NAALADL2: variants seen among roughly 807,000 people sequenced by gnomAD.
NAALADL2 encodes the protein inactive N-acetylated-alpha-linked acidic dipeptidase-like protein 2.
NAALADL2 carries 76 observed loss-of-function variants against 87.2 expected under a neutral mutation model. The ratio of observed to expected loss-of-function variants is 0.87; its 90% CI spans 0.72 to 1.05. The LOEUF is 1.05. Among genes scored for constraint, NAALADL2 ranks in the 50% least tolerant of loss-of-function variants. The pLI, the probability that NAALADL2 is intolerant of heterozygous loss-of-function variation, is 0.00. For missense variants in NAALADL2, 1,089 were observed against 945.8 expected, an observed-to-expected ratio of 1.15 and a Z score of -1.99; for synonymous variants, 354 against 331.0, an observed-to-expected ratio of 1.07 and a Z score of -0.75.
intron 3 of NAALADL2, among the ~76,000 whole-genome samples, chr3:174,804,681 A>G (rs1719249154): frequency 1.3e-5 from 2 of 152,112 alleles, no homozygotes; most frequent in South Asian, 2.1e-4. Flanking sequence ...ACCCTAACTT[A>G]GACTAAAGAA....
At chr3:174,853,201 C>CAAAAAAAAAAAA (rs34303846) in intron 3 of NAALADL2, among the ~76,000 whole-genome samples, 9 of 45,624 alleles carry the variant, frequency 2.0e-4, no homozygotes, top group Admixed American at 7.0e-4. Context: ...CCGTCTCTAC[C>CAAAAAAAAAAAA]AAAAAAAAAA....
intron 3 of NAALADL2, among the ~76,000 whole-genome samples, chr3:174,787,464 A>G (rs1716803077): frequency 6.7e-6 from 1 of 150,104 alleles, no homozygotes; most frequent in Admixed American, 6.7e-5. Flanking sequence ...ATAGTATCTC[A>G]GTTAACAGGA....
intron 2 of NAALADL2, among the ~76,000 whole-genome samples, chr3:174,717,677 A>G (rs1731318200): frequency 6.6e-6 from 1 of 152,198 alleles, no homozygotes; most frequent in African/African-American, 2.4e-5. Flanking sequence ...CTTCAAAATG[A>G]TTTCAAATGC....
At chr3:175,263,344 G>A (rs571141925) in intron 4 of NAALADL2, among the ~76,000 whole-genome samples, 7 of 151,882 alleles carry the variant, frequency 4.6e-5, no homozygotes, top group Non-Finnish European at 8.8e-5. Flanking sequence ...AGTAAATTTA[G>A]AGCAAGAATA....
At chr3:175,171,799 CA>C (rs1239103852) in intron 2 of NAALADL2, among the ~76,000 whole-genome samples, 2 of 151,954 alleles carry the variant, frequency 1.3e-5, no homozygotes, top group Non-Finnish European at 2.9e-5. Flanking sequence ...TGAAACAAGC[CA>C]GACTTAGAAA....
intron 11 of NAALADL2, among the ~76,000 whole-genome samples, chr3:175,665,802 A>T (rs561180024): frequency 6.6e-6 from 1 of 152,008 alleles, no homozygotes; most frequent in Non-Finnish European, 1.5e-5. Flanking sequence ...GTGGTGGTGC[A>T]TGCCTGTAGT....
At chr3:174,787,586 T>TATATATATATATACATATAC (rs1560225483) in intron 3 of NAALADL2, among the ~76,000 whole-genome samples, 1 of 57,336 alleles carries the variant, frequency 1.7e-5, no homozygotes, top group African/African-American at 6.0e-5. Flanking sequence ...CATATATATA[T>TATATATATATATACATATAC]ATATATATAT....
intron 2 of NAALADL2, among the ~76,000 whole-genome samples, chr3:175,119,805 A>AAC (rs1725865488): frequency 1.0e-5 from 1 of 96,216 alleles, no homozygotes; most frequent in Admixed American, 1.1e-4. Context: ...ATACTTATGT[A>AAC]TCTATATATA....
At chr3:175,265,412 TAG>T (rs1751759688) in intron 4 of NAALADL2, among the ~76,000 whole-genome samples, 1 of 151,672 alleles carries the variant, frequency 6.6e-6, no homozygotes, top group Non-Finnish European at 1.5e-5. Context: ...TCTATACCAA[TAG>T]AGTTTTAAAA....
At chr3:174,988,812 T>A (rs1560447579) in intron 1 of NAALADL2, among the ~76,000 whole-genome samples, 1 of 152,232 alleles carries the variant, frequency 6.6e-6, no homozygotes, top group Admixed American at 6.5e-5. Flanking sequence ...TCTTAACTAA[T>A]TAGATCTGTA....
chr3:174,689,769 G>C (rs2108849763), intron 2 of NAALADL2, among the ~76,000 whole-genome samples: 1 of 152,114 alleles, frequency 6.6e-6, no homozygotes, highest in African/African-American at 2.4e-5. Context: ...GTGTTGAATT[G>C]AGTTTTAATT....
intron 13 of NAALADL2, among the ~76,000 whole-genome samples, chr3:175,786,423 C>T (rs1446768356): frequency 6.6e-6 from 1 of 152,118 alleles, no homozygotes; most frequent in Non-Finnish European, 1.5e-5. Context: ...TTTCTCTAAA[C>T]TTCCCTTCTC....
intron 5 of NAALADL2, among the ~76,000 whole-genome samples, chr3:175,351,733 C>A (rs1320824584): frequency 6.6e-6 from 1 of 151,598 alleles, no homozygotes; most frequent in Non-Finnish European, 1.5e-5. Flanking sequence ...TACAACTTAT[C>A]TAAACAATCA....
At position 174,906,273 on chromosome 3, in the gene NAALADL2, G is replaced by A. The variant is rs550641014; in HGVS notation, c.43+46823G>A. Among the ~76,000 whole-genome samples, 6 of 152,030 alleles carry A rather than the reference G, an allele frequency of 3.9e-5. No homozygotes were observed. In the East Asian group the frequency reaches 5.8e-4, roughly 15 times the overall value. On this transcript the variant is annotated intron_variant, in intron 1 of 13. Coordinates refer to ENST00000454872, the MANE Select transcript of NAALADL2 (RefSeq NM_207015.3). ...CAGCATCTTCATCTCTTTTTGCTTC[G>A]ACAGTATGGAACTGTGGTAGGCAAC...
At chr3:175,684,241 T>C (rs1735977264) in intron 11 of NAALADL2, among the ~76,000 whole-genome samples, 1 of 152,172 alleles carries the variant, frequency 6.6e-6, no homozygotes, top group Admixed American at 6.5e-5. Flanking sequence ...TATTTCATTT[T>C]GTATAGATTT....
In NAALADL2 at chr3:174,979,083, C is replaced by G. The variant is rs368051496; in HGVS notation, c.44-117707C>G. ...TTTAATCCATAAAAGAAAAGGAAAGCTTTAAGACAGTTTCTAAAATATTCT... is the reference window on the plus strand; with the variant it reads ...TTTAATCCATAAAAGAAAAGGAAAGGTTTAAGACAGTTTCTAAAATATTCT... On this transcript the variant is annotated intron_variant, in intron 1 of 13. Transcript: ENST00000454872. Among the ~76,000 whole-genome samples, 24 of 152,150 alleles carry G rather than the reference C, an allele frequency of 1.6e-4. No homozygotes were observed. The South Asian group carries it at 4.8e-3, about 30-fold the overall frequency.
chr3:174,866,687 A>G lies in NAALADL2; in HGVS notation c.43+7237A>G, dbSNP rs1183442251. 2.6e-5 allele frequency among the ~76,000 whole-genome samples: 4 copies of G among 151,940 alleles called. No individual in the cohort carries two copies. In the East Asian group the frequency reaches 7.7e-4, roughly 29 times the overall value. On this transcript the variant is annotated intron_variant, in intron 1 of 13. Transcript: ENST00000454872. ...AGATCTGGGGAAGAGGAGAATAGAG[A>G]TAAGAATAAGGAAGAGCATATGGGC...
At chr3:174,794,714 C>T (rs1376641947) in intron 3 of NAALADL2, among the ~76,000 whole-genome samples, 1 of 151,982 alleles carries the variant, frequency 6.6e-6, no homozygotes, top group African/African-American at 2.4e-5. Flanking sequence ...TTTTTATTAA[C>T]ACAGGAATGT....
chr3:175,161,037 T>G (rs1487617941), intron 2 of NAALADL2, among the ~76,000 whole-genome samples: 1 of 152,120 alleles, frequency 6.6e-6, no homozygotes, highest in Non-Finnish European at 1.5e-5. Context: ...GCAAAAATTT[T>G]ACAAAAAAGT....
Sources: gnomAD v4.1 joint callset for allele counts (sites outside exome capture counted in the v4.1 genomes callset) on GRCh38, gnomAD v4.1.1 for gene constraint, MANE v1.5 for transcripts, NCBI Gene and HGNC (gene_info 2026-07-23, HGNC 2026-07-21) for gene names.